Variants in ABCG2 observed in about 807,000 individuals in gnomAD.
ABCG2 encodes the protein broad substrate specificity ATP-binding cassette transporter ABCG2.
A neutral mutation model predicts 73.5 loss-of-function variants in ABCG2; 80 were observed. The observed-to-expected ratio is 1.09, with a 90% CI of 0.91 to 1.31. ABCG2 has a LOEUF of 1.31. ABCG2 is among the 50% of genes most tolerant of loss of function. The pLI, the probability that ABCG2 is intolerant of heterozygous loss-of-function variation, is 0.00. For missense variants in ABCG2, 796 were observed against 786.2 expected (o/e 1.01, Z -0.15); for synonymous variants, 269 against 282.4 (o/e 0.95, Z 0.48).
intron 2 of ABCG2, among the ~76,000 whole-genome samples, chr4:88,132,913 A>G (rs1725003246): frequency 6.7e-6 from 1 of 149,776 alleles, no homozygotes; most frequent in Non-Finnish European, 1.5e-5. Context: ...TACTTAAAGA[A>G]AAAAAAAAAA....
At chr4:88,099,615 C>T (rs45566934) in intron 11 of ABCG2, among the ~76,000 whole-genome samples, 167 bp from the exon 12 acceptor site, 2,389 of 152,242 alleles carry the variant, frequency 0.016, 55 homozygotes, top group African/African-American at 0.053. Context: ...ACCTTGGGTG[C>T]CAGCCTCCCT....
chr4:88,118,125 TC>T lies in ABCG2; in HGVS notation c.824del (p.Gly275AspfsTer33). On this transcript the variant is annotated frameshift_variant, in exon 7 of 16. Transcript: ENST00000237612. LOFTEE classifies it high-confidence loss of function. ...CAACCATACCAGCTGATTCAAAGTA[TC>T]CCAAGGCCTCCTGAGCAGGCCCGTG... ...MFHGPAQEAL[G>X]YFESAGYHCE... 1 of 1,613,448 alleles carries T rather than the reference TC, an allele frequency of 6.2e-7. No homozygotes were observed. Among genetic ancestry groups the T allele is most frequent in the Non-Finnish European group, 8.5e-7 (1 of 1,179,830 alleles).
At chr4:88,095,693 C>A in intron 13 of ABCG2, 84 bp from the exon 14 acceptor site, 2 of 1,072,016 alleles carry the variant, frequency 1.9e-6, no homozygotes, top group Non-Finnish European at 2.8e-6. Flanking sequence ...AAGTCCCTAC[C>A]ACTTTGTAAG....
chr4:88,124,846 G>A (rs1724273018), intron 5 of ABCG2, among the ~76,000 whole-genome samples: 1 of 152,122 alleles, frequency 6.6e-6, no homozygotes, highest in African/African-American at 2.4e-5. Flanking sequence ...CAAAGCAATA[G>A]AATATACATT....
At chr4:88,230,698 C>G (rs1018099348) in intron 1 of ABCG2, among the ~76,000 whole-genome samples, 6 of 152,134 alleles carry the variant, frequency 3.9e-5, no homozygotes, top group Admixed American at 2.0e-4. Flanking sequence ...TACCCTTATC[C>G]TGCCTACAAT....
At chr4:88,151,073 G>C (rs1431354294) in intron 1 of ABCG2, among the ~76,000 whole-genome samples, 3 of 152,234 alleles carry the variant, frequency 2.0e-5, no homozygotes, top group Non-Finnish European at 4.4e-5. Context: ...AGAGGGGACT[G>C]ACTGAGAAGC....
chr4:88,226,404 C>T (rs1730214387), intron 1 of ABCG2, among the ~76,000 whole-genome samples: 1 of 152,182 alleles, frequency 6.6e-6, no homozygotes, highest in Non-Finnish European at 1.5e-5. Context: ...AAACCTGGGG[C>T]AACACCTACA....
chr4:88,177,290 C>T (rs996913749), intron 1 of ABCG2, among the ~76,000 whole-genome samples: 4 of 151,800 alleles, frequency 2.6e-5, no homozygotes, highest in African/African-American at 9.7e-5. Flanking sequence ...AGGAGAATGG[C>T]GGGAACCCAG....
intron 1 of ABCG2, among the ~76,000 whole-genome samples, chr4:88,145,100 T>G (rs892448580): frequency 3.3e-5 from 5 of 152,170 alleles, no homozygotes; most frequent in African/African-American, 1.2e-4. Flanking sequence ...TTCCTTTTTT[T>G]TTTCCTAGGA....
At chr4:88,193,803 G>A (rs1215017961) in intron 1 of ABCG2, among the ~76,000 whole-genome samples, 4 of 152,298 alleles carry the variant, frequency 2.6e-5, no homozygotes, top group Non-Finnish European at 5.9e-5. Context: ...GGAGTGCCAT[G>A]GCATGATCTT....
At chr4:88,193,990 C>T (rs973359904) in intron 1 of ABCG2, among the ~76,000 whole-genome samples, 2 of 152,166 alleles carry the variant, frequency 1.3e-5, no homozygotes, top group Non-Finnish European at 2.9e-5. Context: ...CATGATCTGC[C>T]CACCTCGGCC....
At chr4:88,120,189 GA>G (rs2110019506) in intron 6 of ABCG2, among the ~76,000 whole-genome samples, 1 of 152,306 alleles carries the variant, frequency 6.6e-6, no homozygotes, top group East Asian at 1.9e-4. Flanking sequence ...GATTTCAGAG[GA>G]TGTATGGAAA....
intron 1 of ABCG2, among the ~76,000 whole-genome samples, chr4:88,212,379 T>A (rs540479263): frequency 6.6e-6 from 1 of 152,276 alleles, no homozygotes; most frequent in East Asian, 1.9e-4. Context: ...TAGCCCCTGG[T>A]ACTGTCACTC....
intron 7 of ABCG2, 51 bp downstream of exon 7, chr4:88,118,058 T>C (rs1171273513): frequency 5.1e-6 from 8 of 1,578,024 alleles, no homozygotes; most frequent in Non-Finnish European, 6.9e-6. Context: ...TTTGCTCTCC[T>C]TCAGGATTCT....
chr4:88,120,598 C>T (rs184011942), intron 6 of ABCG2, among the ~76,000 whole-genome samples: 257 of 152,274 alleles, frequency 1.7e-3, no homozygotes, highest in African/African-American at 5.8e-3. Context: ...CTTTGGATTT[C>T]GGACTTGCGT....
chr4:88,221,959 G>A (rs370384435), intron 1 of ABCG2, among the ~76,000 whole-genome samples: 114 of 152,228 alleles, frequency 7.5e-4, no homozygotes, highest in African/African-American at 2.4e-3. Flanking sequence ...AGGACATGTC[G>A]GAGACCTTCA....
chr4:88,176,798 A>C lies in ABCG2; in HGVS notation c.-19-36784T>G, dbSNP rs572825906. 7.9e-4 allele frequency among the ~76,000 whole-genome samples: 120 copies of C among 151,820 alleles called. No homozygotes were observed. In the Middle Eastern group the frequency reaches 0.031, roughly 39 times the overall value. ...TAAGCCACTGTACCCACCCTCTACA[A>C]ATTTTAAAGTAAATCTAATTTTAAA... On this transcript the variant is annotated intron_variant, in intron 1 of 15. Coordinates refer to the ABCG2 transcript ENST00000515655.
At chr4:88,142,931 G>C (rs1725740122) in intron 1 of ABCG2, among the ~76,000 whole-genome samples, 1 of 152,074 alleles carries the variant, frequency 6.6e-6, no homozygotes, top group South Asian at 2.1e-4. Context: ...CTGGGTAACA[G>C]AGTAATACCC....
intron 1 of ABCG2, among the ~76,000 whole-genome samples, chr4:88,179,731 G>T (rs1240029829): frequency 1.3e-5 from 2 of 152,124 alleles, no homozygotes; most frequent in Non-Finnish European, 1.5e-5. Flanking sequence ...CAAAACAATT[G>T]AAATAACTAA....
Sources: gnomAD v4.1 joint callset for allele counts (sites outside exome capture counted in the v4.1 genomes callset) on GRCh38, gnomAD v4.1.1 for gene constraint, MANE v1.5 for transcripts, NCBI Gene and HGNC (gene_info 2026-07-23, HGNC 2026-07-21) for gene names.